The following MOXD1 variants were observed in gnomAD, a reference collection of about 807,000 sequenced individuals.
MOXD1 encodes DBH-like monooxygenase protein 1.
Under a neutral mutation model 66.6 loss-of-function variants are expected in MOXD1, and 62 were observed. That is an observed-to-expected ratio of 0.93 (90% CI 0.76 to 1.15). The LOEUF (loss-of-function observed/expected upper bound fraction) is 1.15, where lower values mean the gene tolerates loss of function less well. MOXD1 is among the 50% of genes most tolerant of loss of function. The pLI is 0.00. For synonymous variants in MOXD1, 303 were observed against 281.9 expected, an observed-to-expected ratio of 1.07 and a Z score of -0.75; for missense variants, 847 against 754.6, an observed-to-expected ratio of 1.12 and a Z score of -1.44.
At chr6:132,309,275 T>C (rs1250723983) in intron 10 of MOXD1, among the ~76,000 whole-genome samples, 3 of 152,034 alleles carry the variant, frequency 2.0e-5, no homozygotes, top group African/African-American at 7.2e-5. Flanking sequence ...TCACAATTGC[T>C]ACAAAGAGAA....
chr6:132,344,240 C>A (rs1293180753), intron 4 of MOXD1, among the ~76,000 whole-genome samples: 2 of 152,114 alleles, frequency 1.3e-5, no homozygotes, highest in African/African-American at 4.8e-5. Context: ...GGTTTCATTG[C>A]TTACTAACTG....
At chr6:132,336,387 G>A (rs937351241) in intron 4 of MOXD1, among the ~76,000 whole-genome samples, 3 of 152,200 alleles carry the variant, frequency 2.0e-5, no homozygotes, top group Admixed American at 1.3e-4. Flanking sequence ...ATTTCAGCCA[G>A]AACTAACCAT....
At chr6:132,400,441 G>C (rs1194110150) in intron 1 of MOXD1, among the ~76,000 whole-genome samples, 1 of 151,248 alleles carries the variant, frequency 6.6e-6, no homozygotes, top group Non-Finnish European at 1.5e-5. Flanking sequence ...ATTTAGTAAA[G>C]CACCCATGAA....
chr6:132,315,579 A>G (rs1422693893), intron 10 of MOXD1, 56 bp downstream of exon 10: 2 of 1,532,796 alleles, frequency 1.3e-6, no homozygotes, highest in Non-Finnish European at 1.8e-6. Context: ...TATGACAATA[A>G]AGCCCATCTT....
At chr6:132,385,396 TTTAA>T (rs970206190) in intron 1 of MOXD1, among the ~76,000 whole-genome samples, 26 of 151,808 alleles carry the variant, frequency 1.7e-4, no homozygotes, top group South Asian at 2.1e-4. Context: ...TTTTCCCTCT[TTTAA>T]TTATTTTTTC....
intron 9 of MOXD1, among the ~76,000 whole-genome samples, chr6:132,319,560 A>G (rs1283005006): frequency 6.6e-6 from 1 of 151,948 alleles, no homozygotes; most frequent in Non-Finnish European, 1.5e-5. Flanking sequence ...TTAATTTTAG[A>G]TAGTATCAAT....
chr6:132,370,255 C>T (rs1297982869), intron 4 of MOXD1, among the ~76,000 whole-genome samples: 1 of 151,984 alleles, frequency 6.6e-6, no homozygotes, highest in Non-Finnish European at 1.5e-5. Flanking sequence ...TAGAAATCCT[C>T]TCTACTAGAA....
Position 132,360,056 on chromosome 6 carries a change from G to A in MOXD1, c.663+12552C>T, listed in dbSNP as rs574038091. 1.2e-4 allele frequency among the ~76,000 whole-genome samples: 18 copies of A among 152,312 alleles called. 1 individual carries two copies. The highest frequency in any genetic ancestry group is 4.3e-4 in the African/African-American group (18 of 41,568). ...AGCAGCTGTTAGCTGGCTTTAGTAT[G>A]GGCAGATGTTGGTTGTATCAAGTAT... On this transcript the variant is annotated intron_variant, in intron 4 of 11. Coordinates refer to ENST00000367963, the MANE Select transcript of MOXD1 (RefSeq NM_015529.4).
At chr6:132,364,862 A>G (rs1370047733) in intron 4 of MOXD1, among the ~76,000 whole-genome samples, 5 of 152,180 alleles carry the variant, frequency 3.3e-5, no homozygotes, top group Admixed American at 3.3e-4. Context: ...CAAGGAAGTT[A>G]AATTGCTTGC....
intron 10 of MOXD1, among the ~76,000 whole-genome samples, chr6:132,308,135 A>G (rs1774739627): frequency 6.6e-6 from 1 of 152,100 alleles, no homozygotes; most frequent in South Asian, 2.1e-4. Flanking sequence ...GCTAGAAAAT[A>G]AAGAGGAAAA....
At chr6:132,393,910 C>G (rs939945849) in intron 1 of MOXD1, among the ~76,000 whole-genome samples, 2 of 152,230 alleles carry the variant, frequency 1.3e-5, no homozygotes, top group African/African-American at 4.8e-5. Flanking sequence ...TTGCCCAGTT[C>G]ATCATGGACA....
At chr6:132,338,392 G>A (rs184532671) in intron 4 of MOXD1, among the ~76,000 whole-genome samples, 8 of 152,186 alleles carry the variant, frequency 5.3e-5, no homozygotes, top group South Asian at 4.2e-4. Context: ...AACTTTCCTC[G>A]GAGGACTACC....
intron 10 of MOXD1, among the ~76,000 whole-genome samples, chr6:132,313,349 CCAATTTATGTAAG>C (rs1433753292): frequency 2.6e-5 from 4 of 152,008 alleles, no homozygotes; most frequent in African/African-American, 9.7e-5. Flanking sequence ...AAACTATAAA[CCAATTTATGTAAG>C]CATTTTGTTA....
chr6:132,363,498 T>C (rs577894110), intron 4 of MOXD1, among the ~76,000 whole-genome samples: 2 of 152,270 alleles, frequency 1.3e-5, no homozygotes, highest in African/African-American at 4.8e-5. Flanking sequence ...TTGTAACTTA[T>C]GCATCTTGAA....
At chr6:132,399,933 T>G (rs368585542) in intron 1 of MOXD1, among the ~76,000 whole-genome samples, 2 of 152,252 alleles carry the variant, frequency 1.3e-5, no homozygotes, top group South Asian at 4.1e-4. Context: ...TATTTATACA[T>G]CAGTGACTTC....
chr6:132,313,866 G>A (rs986059447), intron 10 of MOXD1, among the ~76,000 whole-genome samples: 2 of 152,130 alleles, frequency 1.3e-5, no homozygotes, highest in South Asian at 4.1e-4. Context: ...AGTGAGCTGA[G>A]ATCGCGTCAC....
intron 4 of MOXD1, among the ~76,000 whole-genome samples, chr6:132,370,844 G>C (rs1175816246): frequency 6.6e-6 from 1 of 152,028 alleles, no homozygotes. Context: ...GCTTCTTATA[G>C]GAAAGTTTAT....
chr6:132,352,723 G>C (rs1282537738), intron 4 of MOXD1, among the ~76,000 whole-genome samples: 1 of 152,162 alleles, frequency 6.6e-6, no homozygotes, highest in Non-Finnish European at 1.5e-5. Flanking sequence ...AGTGCTGTCA[G>C]TGGAGTATTG....
intron 4 of MOXD1, among the ~76,000 whole-genome samples, chr6:132,339,451 G>A (rs1775505238): frequency 6.6e-6 from 1 of 152,178 alleles, no homozygotes; most frequent in South Asian, 2.1e-4. Flanking sequence ...AAATAATGAT[G>A]CATCACACAT....
Sources: gnomAD v4.1 joint callset for allele counts (sites outside exome capture counted in the v4.1 genomes callset) on GRCh38, gnomAD v4.1.1 for gene constraint, MANE v1.5 for transcripts, NCBI Gene and HGNC (gene_info 2026-07-23, HGNC 2026-07-21) for gene names.